PRDM15: variants seen among roughly 807,000 people sequenced by gnomAD.
PRDM15 encodes PR/SET domain 15.
Under a neutral mutation model 128.6 loss-of-function variants are expected in PRDM15, and 64 were observed. The ratio of observed to expected loss-of-function variants is 0.50; its 90% CI spans 0.41 to 0.61. The LOEUF is 0.61. PRDM15 is among the 20% of genes least tolerant of loss of function. The probability of loss-of-function intolerance (pLI) is 0.00; values close to 1 mark genes in which losing one functional copy is unlikely to be tolerated. For missense variants in PRDM15, 1,242 were observed against 1,569.1 expected (o/e 0.79, Z 3.52); for synonymous variants, 615 against 621.8 (o/e 0.99, Z 0.16).
At chr21:41,836,765 C>T (rs964007862) in intron 8 of PRDM15, 116 bp from the exon 9 acceptor site, 9 of 844,150 alleles carry the variant, frequency 1.1e-5, no homozygotes, top group Admixed American at 7.1e-5. Context: ...AGCCTGTATG[C>T]GAGAAAGGAG....
intron 18 of PRDM15, among the ~76,000 whole-genome samples, chr21:41,816,813 G>C (rs1423700974): frequency 2.0e-5 from 3 of 152,082 alleles, no homozygotes; most frequent in Non-Finnish European, 1.5e-5. Flanking sequence ...CCTGGCCTCG[G>C]GTGGGGACGG....
chr21:41,852,969 G>GT (rs2063475049), intron 5 of PRDM15, among the ~76,000 whole-genome samples: 1 of 152,226 alleles, frequency 6.6e-6, no homozygotes, highest in South Asian at 2.1e-4. Flanking sequence ...AGAGACTGGA[G>GT]TAACACAGCC....
intron 1 of PRDM15, among the ~76,000 whole-genome samples, chr21:41,870,214 ATAT>A (rs1323167802): frequency 1.3e-5 from 2 of 152,216 alleles, no homozygotes; most frequent in Admixed American, 1.3e-4. Context: ...TACACCCAAA[ATAT>A]TATGTCAACA....
In PRDM15 at chr21:41,879,151, C is replaced by CA. The variant is rs2146095043; in HGVS notation, c.-10+118_-10+119insT. On this transcript the variant is annotated intron_variant, in intron 1 of 23. Transcript: ENST00000398548. This position sits in a 1 kb window ranked among gnomAD's most constrained non-coding sequence, Gnocchi z 5.1. ...CGGGGCGGCGCGCGGCTGCCGGGCGCGGGGGGCGGGGGGCAGCGGGCCCAG... is the reference window on the plus strand; with the variant it reads ...CGGGGCGGCGCGCGGCTGCCGGGCGCAGGGGGGCGGGGGGCAGCGGGCCCAG... 1 of 853,310 alleles carries CA rather than the reference C, an allele frequency of 1.2e-6. No individual in the cohort carries two copies. Among genetic ancestry groups the CA allele is most frequent in the Non-Finnish European group, 1.4e-6 (1 of 711,892 alleles). The allele number at this position is 853,310 out of a possible 1,614,324, so 52.9% of individuals were successfully genotyped here.
chr21:41,865,765 G>C (rs2063987211), intron 1 of PRDM15, among the ~76,000 whole-genome samples: 2 of 151,840 alleles, frequency 1.3e-5, no homozygotes. Flanking sequence ...ATTTTATTTT[G>C]ACACAGTCTT....
At position 41,868,713 on chromosome 21, in the gene PRDM15, G is replaced by C. The variant is rs999036582; in HGVS notation, c.-9-8341C>G. ...CTTTTTCTTTTTTTTTTTTTTTTGA[G>C]ATGGAGTCTCCCTGTCACCCAGGCT... On this transcript the variant is annotated intron_variant, in intron 1 of 23. Transcript: ENST00000398548. Among the ~76,000 whole-genome samples the C allele has an allele frequency of 9.2e-5, 5 of 54,512 alleles. No homozygotes were observed. The East Asian group carries it at 2.7e-3, about 30-fold the overall frequency. 35.8% of individuals were successfully genotyped at this position (54,512 alleles called of 152,430 possible). A position where few individuals can be genotyped will look rare whatever the true frequency, so the allele number is the denominator to read the frequency against.
rs942184102 is a variant in PRDM15, at chr21:41,823,545, C to T, written c.1630-96G>A. ...CCTCTGGGGAAACCACAACCCGGGA[C>T]GGAAACACAGCACTGTGCTCCAGGC... On this transcript the variant is annotated intron_variant, in intron 13 of 23. Coordinates refer to ENST00000398548, the MANE Select transcript of PRDM15 (RefSeq NM_001040424.3). The T allele has an allele frequency of 1.1e-5, 15 of 1,364,652 alleles. No individual in the cohort carries two copies. The East Asian group carries it at 1.3e-4, about 11-fold the overall frequency. 84.5% of individuals were successfully genotyped at this position (1,364,652 alleles called of 1,614,324 possible).
At chr21:41,805,733 C>T (rs947557251) in intron 21 of PRDM15, among the ~76,000 whole-genome samples, 1 of 151,874 alleles carries the variant, frequency 6.6e-6, no homozygotes, top group Non-Finnish European at 1.5e-5. Flanking sequence ...GCACCACCAC[C>T]ACCATCATCA....
chr21:41,867,220 G>A, intron 1 of PRDM15: 1 of 1,032,356 alleles, frequency 9.7e-7, no homozygotes, highest in South Asian at 1.4e-5. Flanking sequence ...AGCCACTCAG[G>A]GGCCTCTGCT....
At chr21:41,824,376 G>A (rs916405578) in intron 13 of PRDM15, among the ~76,000 whole-genome samples, 93 of 152,218 alleles carry the variant, frequency 6.1e-4, no homozygotes, top group African/African-American at 2.2e-3. Context: ...AGATGTCATG[G>A]TCTTTACAGG....
chr21:41,817,177 G>A (rs2062082511), intron 18 of PRDM15, among the ~76,000 whole-genome samples: 1 of 152,078 alleles, frequency 6.6e-6, no homozygotes, highest in South Asian at 2.1e-4. Context: ...TTGCTCTACT[G>A]GGATTGTGAG....
At chr21:41,852,345 C>T (rs956380853) in intron 5 of PRDM15, among the ~76,000 whole-genome samples, 1 of 152,238 alleles carries the variant, frequency 6.6e-6, no homozygotes, top group Non-Finnish European at 1.5e-5. Flanking sequence ...CTGCCTAGGC[C>T]TTCAGGAATT....
At chr21:41,876,232 A>G (rs1366333975) in intron 1 of PRDM15, among the ~76,000 whole-genome samples, 1 of 152,322 alleles carries the variant, frequency 6.6e-6, no homozygotes. Flanking sequence ...TCATCATCTG[A>G]TATAAAAGCT....
chr21:41,854,488 A>G lies in PRDM15; in HGVS notation c.538+78T>C. 1 of 1,559,698 alleles carries G rather than the reference A, an allele frequency of 6.4e-7. No homozygotes were observed. ...CAACCCATCTCATCAGTGTGGGGTCAGCACAGAGCCAAGGGACCATAACCC... is the reference window on the plus strand; with the variant it reads ...CAACCCATCTCATCAGTGTGGGGTCGGCACAGAGCCAAGGGACCATAACCC... On this transcript the variant is annotated intron_variant, in intron 5 of 23. Transcript: ENST00000398548. This position sits in a 1 kb window ranked among gnomAD's most constrained non-coding sequence, Gnocchi z 4.6.
rs2146395850 is a variant in PRDM15 at position 41,821,754 on chromosome 21, G to C, written c.1896+149C>G. 1 of 928,948 alleles carries C rather than the reference G, an allele frequency of 1.1e-6. No homozygotes were observed. 57.5% of individuals were successfully genotyped at this position (928,948 alleles called of 1,614,324 possible). The stretch of plus-strand genomic sequence containing the variant: ...GGCACAAGTGATGGACAGGCACCCA[G>C]TCTGCAGTAGGACCACTGGCCGGAG... On this transcript the variant is annotated intron_variant, in intron 15 of 23. Coordinates refer to ENST00000398548, the MANE Select transcript of PRDM15 (RefSeq NM_001040424.3). The surrounding 1 kb of genome is among the most constrained non-coding windows in gnomAD (Gnocchi z 5.4).
At chr21:41,860,436 T>C in intron 1 of PRDM15, 64 bp from the exon 2 acceptor site, 2 of 1,468,816 alleles carry the variant, frequency 1.4e-6, no homozygotes, top group Non-Finnish European at 1.9e-6. Context: ...TGTTTTGTTT[T>C]TGAAATTGAG....
At chr21:41,822,597 G>A (rs1044141750) in intron 14 of PRDM15, among the ~76,000 whole-genome samples, 1 of 152,236 alleles carries the variant, frequency 6.6e-6, no homozygotes, top group Non-Finnish European at 1.5e-5. Context: ...AATGCGACCA[G>A]TTGTCAACTA....
At position 41,859,474 on chromosome 21, in the gene PRDM15, C is replaced by T. The variant is rs2063743962; in HGVS notation, c.131+118G>A. On this transcript the variant is annotated intron_variant, in intron 3 of 23. Transcript: ENST00000398548. This position sits in a 1 kb window ranked among gnomAD's most constrained non-coding sequence, Gnocchi z 5.3. ...GTGGGAGCGGAATCGCTGGCTCTCA[C>T]TCAGAGTGCCTCTGTTCTCCCTCAG... The T allele has an allele frequency of 1.3e-5, 11 of 831,272 alleles. No individual in the cohort carries two copies. Among genetic ancestry groups the T allele is most frequent in the Middle Eastern group, 3.0e-4 (1 of 3,296 alleles). The allele number at this position is 831,272 out of a possible 1,614,324, so 51.5% of individuals were successfully genotyped here.
chr21:41,824,995 G>T (rs982578414), intron 13 of PRDM15, among the ~76,000 whole-genome samples: 20 of 152,192 alleles, frequency 1.3e-4, no homozygotes, highest in Admixed American at 1.3e-3. Context: ...CGGGGCTCAC[G>T]TGAGCTGTGT....
Sources: allele counts gnomAD v4.1 joint callset (sites outside exome capture counted in the v4.1 genomes callset), GRCh38; gene constraint gnomAD v4.1.1; non-coding constraint Gnocchi (gnomAD v3.1); transcripts MANE v1.5; gene names NCBI Gene and HGNC (gene_info 2026-07-23, HGNC 2026-07-21).